Variants in KIF11 observed in about 807,000 individuals in gnomAD.
KIF11 encodes kinesin family member 11.
Under a neutral mutation model 121.0 loss-of-function variants are expected in KIF11, and 9 were observed. That is an observed-to-expected ratio of 0.07 (90% confidence interval 0.04 to 0.13). The LOEUF (loss-of-function observed/expected upper bound fraction) is 0.13, where lower values mean the gene tolerates loss of function less well. Among genes scored for constraint, KIF11 ranks in the 10% least tolerant of loss-of-function variants. The pLI is 1.00. For synonymous variants in KIF11, 408 were observed against 421.0 expected (o/e 0.97, Z 0.38); for missense variants, 846 against 1,217.5 (o/e 0.69, Z 4.54).
Position 92,593,272 on chromosome 10 carries a change from G to GTATCATTAAAA in KIF11, c.-104_-103insTATCATTAAAA. 2 of 1,215,810 alleles carry GTATCATTAAAA rather than the reference G, an allele frequency of 1.6e-6. No homozygotes were observed. Among genetic ancestry groups the GTATCATTAAAA allele is most frequent in the African/African-American group, 1.5e-5 (1 of 65,548 alleles). The allele number at this position is 1,215,810 out of a possible 1,614,324, so 75.3% of individuals were successfully genotyped here. Reference sequence around the variant, plus strand: ...GGTCCTCCAGGCCACGCCAGCGCCCGAGAGGGACCAGGGAGACTCCGGCCC... The same window carrying GTATCATTAAAA: ...GGTCCTCCAGGCCACGCCAGCGCCCGTATCATTAAAAAGAGGGACCAGGGAGACTCCGGCCC... On this transcript the variant is annotated 5_prime_UTR_variant, in exon 1 of 22. Transcript: ENST00000260731.
chr10:92,645,722 C>A, intron 18 of KIF11, 80 bp downstream of exon 18: 3 of 1,078,562 alleles, frequency 2.8e-6, no homozygotes, highest in Non-Finnish European at 4.0e-6. Context: ...GAATAGATTT[C>A]AAAACAAATG....
intron 11 of KIF11, among the ~76,000 whole-genome samples, chr10:92,629,266 G>A (rs1049578193): frequency 1.3e-5 from 2 of 151,530 alleles, no homozygotes; most frequent in East Asian, 3.9e-4. Flanking sequence ...ACAGGCGTGA[G>A]CCACTGCACC....
At chr10:92,633,162 G>A (rs1030053476) in intron 13 of KIF11, among the ~76,000 whole-genome samples, 4 of 151,990 alleles carry the variant, frequency 2.6e-5, no homozygotes, top group Non-Finnish European at 2.9e-5. Context: ...TTAGAAAAAA[G>A]TATGTTTATT....
intron 9 of KIF11, among the ~76,000 whole-genome samples, chr10:92,618,452 C>T (rs1053107216): frequency 1.3e-5 from 2 of 151,662 alleles, no homozygotes; most frequent in African/African-American, 4.8e-5. Context: ...CGAGACCAGC[C>T]TGGCTAACAT....
chr10:92,610,504 C>T (rs1036892372), intron 6 of KIF11, among the ~76,000 whole-genome samples: 6 of 152,106 alleles, frequency 3.9e-5, no homozygotes, highest in Admixed American at 2.6e-4. Context: ...ATTCCAAATT[C>T]TACAGATATA....
chr10:92,643,368 T>A (rs1189452458), intron 17 of KIF11, among the ~76,000 whole-genome samples: 3 of 152,190 alleles, frequency 2.0e-5, no homozygotes, highest in Admixed American at 6.5e-5. Flanking sequence ...ATAATTTGAA[T>A]CCATTATCAA....
intron 14 of KIF11, among the ~76,000 whole-genome samples, chr10:92,635,677 C>G (rs1589603561): frequency 6.6e-6 from 1 of 152,124 alleles, no homozygotes; most frequent in African/African-American, 2.4e-5. Flanking sequence ...AAAGTGAGCA[C>G]ATGATATTTG....
chr10:92,640,041 GTATA>G, intron 17 of KIF11, 141 bp downstream of exon 17: 1 of 492,442 alleles, frequency 2.0e-6, no homozygotes. Context: ...ATGTGTGTAT[GTATA>G]TATATACATG....
At chr10:92,650,117 T>C (rs1429585698) in intron 20 of KIF11, 131 bp downstream of exon 20, 2 of 662,136 alleles carry the variant, frequency 3.0e-6, no homozygotes, top group Non-Finnish European at 5.1e-6. Context: ...GGCCTAGCCC[T>C]TAGGCTTGTT....
rs554505538 is a variant in KIF11, at chr10:92,645,090, A to G, written c.2268-273A>G. Among the ~76,000 whole-genome samples the G allele has an allele frequency of 7.9e-5, 12 of 152,348 alleles. No individual in the cohort carries two copies. The South Asian group carries it at 1.4e-3, about 18-fold the overall frequency. ...GCCTAGTAAGAGGAATAAAACAAGT[A>G]GACAGATTTTGAAAGCATCATAACT... On this transcript the variant is annotated intron_variant, in intron 17 of 21. Transcript: ENST00000260731.
At chr10:92,609,882 G>T (rs1844476336) in intron 6 of KIF11, among the ~76,000 whole-genome samples, 1 of 152,064 alleles carries the variant, frequency 6.6e-6, no homozygotes, top group Non-Finnish European at 1.5e-5. Flanking sequence ...GATTACAGGT[G>T]TCTGCCACTA....
At chr10:92,631,544 G>C (rs1232490051) in intron 12 of KIF11, among the ~76,000 whole-genome samples, 6 of 149,332 alleles carry the variant, frequency 4.0e-5, no homozygotes, top group Non-Finnish European at 8.9e-5. Flanking sequence ...TGTATTTTTA[G>C]TAGAGACGGG....
At chr10:92,625,445 T>C (rs1246744456) in intron 10 of KIF11, among the ~76,000 whole-genome samples, 1 of 151,208 alleles carries the variant, frequency 6.6e-6, no homozygotes, top group African/African-American at 2.4e-5. Context: ...ACCTCCTGGG[T>C]TCAAGCGATT....
In KIF11 at chr10:92,621,482, T is replaced by G; in HGVS notation, c.1217+9T>G. On this transcript the variant is annotated intron_variant, in intron 10 of 21. Transcript: ENST00000260731. ...TCTGAAGAAAATTTTAGGTAAGCCC[T>G]TGGCTATGGAGTTAATTTCCAAGAA... 3 of 1,538,110 alleles carry G rather than the reference T, an allele frequency of 2.0e-6. No individual in the cohort carries two copies. Among genetic ancestry groups the G allele is most frequent in the Non-Finnish European group, 2.7e-6 (3 of 1,113,506 alleles).
chr10:92,603,438 T>G (rs1305186470), intron 1 of KIF11, among the ~76,000 whole-genome samples: 3 of 151,202 alleles, frequency 2.0e-5, no homozygotes, highest in African/African-American at 7.3e-5. Context: ...GTCTCACTCT[T>G]TCACCCAGGC....
At chr10:92,651,343 TTTTTC>T (rs1844977377) in intron 21 of KIF11, among the ~76,000 whole-genome samples, 1 of 150,612 alleles carries the variant, frequency 6.6e-6, no homozygotes, top group African/African-American at 2.4e-5. Flanking sequence ...CCCACTTTTT[TTTTTC>T]TTTTGAGACG....
chr10:92,650,050 C>A, intron 20 of KIF11, 64 bp downstream of exon 20: 1 of 1,255,530 alleles, frequency 8.0e-7, no homozygotes, highest in South Asian at 1.4e-5. Flanking sequence ...TGGCTGACTT[C>A]ATGTGAAGAA....
At chr10:92,652,144 G>GT (rs915749498) in intron 21 of KIF11, among the ~76,000 whole-genome samples, 10 of 151,120 alleles carry the variant, frequency 6.6e-5, no homozygotes, top group East Asian at 3.9e-4. Flanking sequence ...GTCTTGTTTT[G>GT]TTTTTTTGTT....
chr10:92,639,537 G>A (rs1187592099), intron 16 of KIF11, among the ~76,000 whole-genome samples: 1 of 152,052 alleles, frequency 6.6e-6, no homozygotes, highest in South Asian at 2.1e-4. Context: ...AAGCTGCAGT[G>A]AGCCTTGATT....
Sources: gnomAD v4.1 joint callset for allele counts (sites outside exome capture counted in the v4.1 genomes callset) on GRCh38, gnomAD v4.1.1 for gene constraint, MANE v1.5 for transcripts, NCBI Gene and HGNC (gene_info 2026-07-23, HGNC 2026-07-21) for gene names.